Variants in SLC20A2 observed in about 807,000 individuals in gnomAD.
SLC20A2 encodes sodium-dependent phosphate transporter 2.
A neutral mutation model predicts 61.0 loss-of-function variants in SLC20A2; 30 were observed. That is an observed-to-expected ratio of 0.49 (90% CI 0.37 to 0.67). The LOEUF (loss-of-function observed/expected upper bound fraction) is 0.67, where lower values mean the gene tolerates loss of function less well. Ranked by LOEUF, SLC20A2 falls within the 30% of genes least tolerant of loss-of-function variation. SLC20A2 has a pLI of 0.00. For missense variants in SLC20A2, 626 were observed against 866.4 expected (o/e 0.72, Z 3.48); for synonymous variants, 351 against 353.3 (o/e 0.99, Z 0.07).
chr8:42,487,164 C>CTATTTTTAAGTGTTGAAAT (rs1809082030), intron 1 of SLC20A2, among the ~76,000 whole-genome samples: 1 of 145,314 alleles, frequency 6.9e-6, no homozygotes, highest in Non-Finnish European at 1.5e-5. Flanking sequence ...CGTGCTTGGC[C>CTATTTTTAAGTGTTGAAAT]ATGGTTTCTT....
intron 10 of SLC20A2, among the ~76,000 whole-genome samples, chr8:42,419,222 TC>T (rs1315141641): frequency 6.6e-6 from 1 of 151,992 alleles, no homozygotes; most frequent in Non-Finnish European, 1.5e-5. Context: ...AACCTCACTT[TC>T]CCCTTCTGCT....
chr8:42,509,176 T>G (rs1165344000), intron 1 of SLC20A2, among the ~76,000 whole-genome samples: 1 of 152,254 alleles, frequency 6.6e-6, no homozygotes, highest in African/African-American at 2.4e-5. Context: ...TAGATAGGCA[T>G]GTATGAATGT....
chr8:42,477,261 C>T (rs1396135967), intron 1 of SLC20A2, among the ~76,000 whole-genome samples: 3 of 152,062 alleles, frequency 2.0e-5, no homozygotes, highest in African/African-American at 7.2e-5. Context: ...TTACTGGCAT[C>T]GCTGTAGTCA....
At chr8:42,420,529 G>A (rs190087286) in intron 10 of SLC20A2, among the ~76,000 whole-genome samples, 1 of 151,854 alleles carries the variant, frequency 6.6e-6, no homozygotes, top group South Asian at 2.1e-4. Context: ...CATGTATTTT[G>A]AGAGTGGTCT....
intron 8 of SLC20A2, among the ~76,000 whole-genome samples, chr8:42,431,033 C>G (rs564420741): frequency 6.6e-6 from 1 of 152,114 alleles, no homozygotes; most frequent in Non-Finnish European, 1.5e-5. Flanking sequence ...AATAAATTAC[C>G]GTACAGTGCC....
intron 1 of SLC20A2, among the ~76,000 whole-genome samples, chr8:42,499,062 GTA>G: frequency 1.3e-5 from 2 of 152,230 alleles, no homozygotes; most frequent in Non-Finnish European, 2.9e-5. Context: ...ACGTGGAGGA[GTA>G]GGATGAGAGC....
chr8:42,524,345 G>A (rs1045820377), intron 1 of SLC20A2, among the ~76,000 whole-genome samples: 1 of 152,066 alleles, frequency 6.6e-6, no homozygotes, highest in Non-Finnish European at 1.5e-5. Context: ...ACATGGTGGT[G>A]GGGGGAGTGG....
chr8:42,438,581 G>A (rs998731287), intron 7 of SLC20A2, among the ~76,000 whole-genome samples: 10 of 152,214 alleles, frequency 6.6e-5, no homozygotes, highest in African/African-American at 2.4e-4. Context: ...GACTGCACCT[G>A]TGGTAGGCAG....
chr8:42,471,308 C>G, intron 2 of SLC20A2: 1 of 443,224 alleles, frequency 2.3e-6, no homozygotes, highest in African/African-American at 2.0e-5. Flanking sequence ...CCCACGGGGC[C>G]GAGATCTGTG....
intron 1 of SLC20A2, among the ~76,000 whole-genome samples, chr8:42,525,859 C>A (rs900435456): frequency 6.6e-6 from 1 of 152,056 alleles, no homozygotes; most frequent in Non-Finnish European, 1.5e-5. Flanking sequence ...TAGCTCCCAA[C>A]GACAAAAGCT....
Position 42,470,987 on chromosome 8 carries a change from A to G in SLC20A2, c.289+1115T>C, listed in dbSNP as rs539225703. 7 of 350,044 alleles carry G rather than the reference A, an allele frequency of 2.0e-5. No homozygotes were observed. The East Asian group carries it at 3.0e-4, about 15-fold the overall frequency. 21.7% of individuals were successfully genotyped at this position (350,044 alleles called of 1,614,324 possible). A position where few individuals can be genotyped will look rare whatever the true frequency, so the allele number is the denominator to read the frequency against. On this transcript the variant is annotated intron_variant, in intron 2 of 10. Coordinates refer to ENST00000520262, the MANE Select transcript of SLC20A2 (RefSeq NM_001257180.2). ...AGACTCTGTCTCAAAAAAAAAAAAA[A>G]AAAGAAAAGAAAAAATGTAAGTGAC...
intron 1 of SLC20A2, among the ~76,000 whole-genome samples, chr8:42,476,190 G>A (rs1352718095): frequency 2.0e-5 from 3 of 149,260 alleles, no homozygotes; most frequent in Non-Finnish European, 3.0e-5. Context: ...TCCGCCTCCT[G>A]GGTTCACGCC....
At chr8:42,443,188 A>T (rs1804911998) in intron 6 of SLC20A2, among the ~76,000 whole-genome samples, 1 of 146,348 alleles carries the variant, frequency 6.8e-6, no homozygotes, top group African/African-American at 2.5e-5. Flanking sequence ...TATACTATAC[A>T]GTTATTGTAT....
intron 1 of SLC20A2, chr8:42,540,785 C>G (rs1418066439): frequency 9.2e-5 from 14 of 152,234 alleles, no homozygotes; most frequent in Admixed American, 9.2e-4. Flanking sequence ...AAGGTGGCAC[C>G]AGCCACTGAC....
At chr8:42,492,642 TG>T (rs1464036762) in intron 1 of SLC20A2, among the ~76,000 whole-genome samples, 1 of 152,084 alleles carries the variant, frequency 6.6e-6, no homozygotes, top group African/African-American at 2.4e-5. Context: ...GGCCAAAACA[TG>T]GTAGCACATG....
chr8:42,457,633 C>T lies in SLC20A2; in HGVS notation c.613+2263G>A, dbSNP rs187262218. Among the ~76,000 whole-genome samples, 284 of 152,172 alleles carry T rather than the reference C, an allele frequency of 1.9e-3. 2 individuals carry two copies. In the South Asian group the frequency reaches 0.023, roughly 12 times the overall value. On this transcript the variant is annotated intron_variant, in intron 5 of 10. Coordinates refer to ENST00000520262, the MANE Select transcript of SLC20A2 (RefSeq NM_001257180.2). ...TCCTGAGTAGCTGGGACTACAGGCG[C>T]GCACCATCACGCCCAGCTAATTTTT...
intron 5 of SLC20A2, among the ~76,000 whole-genome samples, chr8:42,455,182 A>G (rs1394949908): frequency 1.4e-5 from 2 of 143,446 alleles, no homozygotes; most frequent in African/African-American, 5.3e-5. Flanking sequence ...CTGAGATCAC[A>G]CTACTGCACT....
In SLC20A2 at chr8:42,521,151, G is replaced by A. The variant is rs1019234139; in HGVS notation, c.-265+20670C>T. ...AAAACTTAGGTCCACAGAAAAACCC[G>A]TACACAAATGTTCATAGCAACACTA... On this transcript the variant is annotated intron_variant, in intron 1 of 10. Coordinates refer to the SLC20A2 transcript ENST00000342228. Among the ~76,000 whole-genome samples the A allele has an allele frequency of 1.2e-4, 14 of 121,442 alleles. 3 individuals carry two copies. In the East Asian group the frequency reaches 2.9e-3, roughly 25 times the overall value. 79.7% of individuals were successfully genotyped at this position (121,442 alleles called of 152,430 possible). A position where few individuals can be genotyped will look rare whatever the true frequency, so the allele number is the denominator to read the frequency against.
At chr8:42,522,293 A>G (rs1247342904) in intron 1 of SLC20A2, among the ~76,000 whole-genome samples, 1 of 122,186 alleles carries the variant, frequency 8.2e-6, no homozygotes, top group African/African-American at 2.5e-5. Flanking sequence ...CGAAGGATGG[A>G]GAAGACAAGA....
Sources: allele counts gnomAD v4.1 joint callset (sites outside exome capture counted in the v4.1 genomes callset), GRCh38; gene constraint gnomAD v4.1.1; transcripts MANE v1.5; gene names NCBI Gene and HGNC (gene_info 2026-07-23, HGNC 2026-07-21).